LRP12: variants seen among roughly 807,000 people sequenced by gnomAD.
LRP12 encodes LDL receptor related protein 12.
Under a neutral mutation model 66.0 loss-of-function variants are expected in LRP12, and 14 were observed. The observed-to-expected ratio is 0.21, with a 90% CI of 0.14 to 0.33. The LOEUF is 0.33. Ranked by LOEUF, LRP12 falls within the 10% of genes least tolerant of loss-of-function variation. The probability of loss-of-function intolerance (pLI) is 1.00; values close to 1 mark genes in which losing one functional copy is unlikely to be tolerated. For synonymous variants in LRP12, 357 were observed against 359.1 expected, an observed-to-expected ratio of 0.99 and a Z score of 0.07; for missense variants, 889 against 1,053.4, an observed-to-expected ratio of 0.84 and a Z score of 2.16.
chr8:104,499,653 G>T, intron 3 of LRP12, 134 bp from the exon 4 acceptor site: 4 of 570,334 alleles, frequency 7.0e-6, no homozygotes, highest in Non-Finnish European at 1.2e-5. Context: ...GCATACAACC[G>T]TATCATTAGC....
At chr8:104,520,628 G>C (rs1383427612) in intron 2 of LRP12, among the ~76,000 whole-genome samples, 3 of 151,960 alleles carry the variant, frequency 2.0e-5, no homozygotes, top group African/African-American at 7.2e-5. Context: ...GAGTAAAGAA[G>C]AACTATCATT....
Position 104,489,762 on chromosome 8 carries a change from T to C in LRP12, c.*911A>G, listed in dbSNP as rs1302024298. 2.0e-5 allele frequency: 3 copies of C among 152,506 alleles called. No individual in the cohort carries two copies. The highest frequency in any genetic ancestry group is 4.4e-5 in the Non-Finnish European group (3 of 68,030). The allele number at this position is 152,506 out of a possible 1,614,324, so 9.4% of individuals were successfully genotyped here. The stretch of plus-strand genomic sequence containing the variant: ...CAAATAATAGTATTTAAAGTGATAG[T>C]GCTTGTGCACTAAGCTCATCTGAGA... On this transcript the variant is annotated 3_prime_UTR_variant, in exon 7 of 7. Coordinates refer to ENST00000276654, the MANE Select transcript of LRP12 (RefSeq NM_013437.5).
intron 3 of LRP12, among the ~76,000 whole-genome samples, chr8:104,502,419 C>T (rs184352182): frequency 1.3e-5 from 2 of 152,232 alleles, no homozygotes; most frequent in Admixed American, 6.5e-5. Flanking sequence ...GCTAAGGATT[C>T]GAGAATAATT....
chr8:104,587,866 GA>G (rs1812358507), intron 1 of LRP12, among the ~76,000 whole-genome samples: 1 of 152,170 alleles, frequency 6.6e-6, no homozygotes, highest in Non-Finnish European at 1.5e-5. Flanking sequence ...CTCCAAAAAG[GA>G]AAGGTTAAAA....
intron 2 of LRP12, among the ~76,000 whole-genome samples, chr8:104,521,745 T>C (rs1811155288): frequency 6.6e-6 from 1 of 151,836 alleles, no homozygotes. Context: ...AATGTATTAA[T>C]AATCAACTAA....
chr8:104,532,362 A>G (rs1811336946), intron 1 of LRP12, among the ~76,000 whole-genome samples: 2 of 150,758 alleles, frequency 1.3e-5, no homozygotes, highest in South Asian at 4.2e-4. Context: ...AGGGCCACAT[A>G]TGTTGGTACT....
chr8:104,555,037 T>C (rs2140883231), intron 1 of LRP12, among the ~76,000 whole-genome samples: 1 of 152,264 alleles, frequency 6.6e-6, no homozygotes, highest in African/African-American at 2.4e-5. Context: ...GCTTCATAAA[T>C]GAAAGATACA....
chr8:104,577,775 T>C lies in LRP12; in HGVS notation c.79+11044A>G, dbSNP rs1384760818. Among the ~76,000 whole-genome samples the C allele has an allele frequency of 2.2e-5, 3 of 137,964 alleles. No individual in the cohort carries two copies. In the Admixed American group the frequency reaches 2.4e-4, roughly 11 times the overall value. The allele number at this position is 137,964 out of a possible 152,430, so 90.5% of individuals were successfully genotyped here. A position where few individuals can be genotyped will look rare whatever the true frequency, so the allele number is the denominator to read the frequency against. ...GCAGTGAGCCAAGACTGCGCCACTG[T>C]GCTCCAGCCTGGGTAACAGAACGAG... On this transcript the variant is annotated intron_variant, in intron 1 of 6. Transcript: ENST00000276654.
intron 1 of LRP12, among the ~76,000 whole-genome samples, chr8:104,544,483 A>C (rs1242359045): frequency 6.6e-6 from 1 of 152,180 alleles, no homozygotes; most frequent in East Asian, 1.9e-4. Context: ...TTTCCTAGCG[A>C]GAGAGAAGAT....
chr8:104,543,678 T>A (rs1811512005), intron 1 of LRP12, among the ~76,000 whole-genome samples: 1 of 152,178 alleles, frequency 6.6e-6, no homozygotes, highest in African/African-American at 2.4e-5. Context: ...TTCCAGCACT[T>A]TGGGAGGCCA....
intron 6 of LRP12, among the ~76,000 whole-genome samples, chr8:104,494,117 T>G (rs1339878468): frequency 6.6e-6 from 1 of 152,100 alleles, no homozygotes; most frequent in Non-Finnish European, 1.5e-5. Context: ...TGGTAGAGAA[T>G]GAAGTAGGTG....
chr8:104,572,580 C>G (rs1352157722), intron 1 of LRP12, among the ~76,000 whole-genome samples: 1 of 151,654 alleles, frequency 6.6e-6, no homozygotes, highest in Non-Finnish European at 1.5e-5. Flanking sequence ...TAAGTCTGTT[C>G]AAGAAAAGAA....
intron 1 of LRP12, among the ~76,000 whole-genome samples, chr8:104,537,580 T>C (rs1306001487): frequency 1.3e-5 from 2 of 152,108 alleles, no homozygotes; most frequent in Non-Finnish European, 2.9e-5. Flanking sequence ...TAGAGCTAAC[T>C]GCCAAGTAAA....
intron 1 of LRP12, among the ~76,000 whole-genome samples, chr8:104,587,969 A>G (rs1203884985): frequency 6.6e-6 from 1 of 152,216 alleles, no homozygotes; most frequent in African/African-American, 2.4e-5. Flanking sequence ...TAAGAGATAG[A>G]TGTTCTTTGC....
chr8:104,510,879 G>A (rs1810983116), intron 2 of LRP12, among the ~76,000 whole-genome samples: 1 of 152,012 alleles, frequency 6.6e-6, no homozygotes, highest in Admixed American at 6.6e-5. Context: ...TCTAAGAGTT[G>A]TTGAGTGAAT....
At chr8:104,539,642 A>T (rs1811444107) in intron 1 of LRP12, among the ~76,000 whole-genome samples, 1 of 152,156 alleles carries the variant, frequency 6.6e-6, no homozygotes, top group Admixed American at 6.6e-5. Context: ...TCCTCTCAGT[A>T]TCTTAATCTA....
chr8:104,508,317 T>G (rs1810938814), intron 3 of LRP12: 1 of 152,216 alleles, frequency 6.6e-6, no homozygotes, highest in Non-Finnish European at 1.5e-5. Context: ...GTTTTAAAAT[T>G]TAATCTTAAC....
At chr8:104,540,181 T>C (rs1310826390) in intron 1 of LRP12, among the ~76,000 whole-genome samples, 2 of 152,006 alleles carry the variant, frequency 1.3e-5, no homozygotes, top group Non-Finnish European at 2.9e-5. Flanking sequence ...ACATACTATA[T>C]GAGGACACAG....
chr8:104,564,235 C>T (rs1310977295), intron 1 of LRP12, among the ~76,000 whole-genome samples: 1 of 152,132 alleles, frequency 6.6e-6, no homozygotes, highest in Non-Finnish European at 1.5e-5. Context: ...TAACCTCCTA[C>T]AGCAATGCTT....
Sources: allele counts gnomAD v4.1 joint callset (sites outside exome capture counted in the v4.1 genomes callset), GRCh38; gene constraint gnomAD v4.1.1; transcripts MANE v1.5; gene names NCBI Gene and HGNC (gene_info 2026-07-23, HGNC 2026-07-21).